Variants in TSC22D3 observed in about 807,000 individuals in gnomAD.
The protein encoded by TSC22D3 is TSC22 domain family member 3, also known as TSC22 domain family protein 3.
Under a neutral mutation model 11.1 loss-of-function variants are expected in TSC22D3, and 4 were observed. The observed-to-expected ratio is 0.36, with a 90% CI of 0.18 to 0.83. TSC22D3 has a LOEUF of 0.83. Among genes scored for constraint, TSC22D3 ranks in the 40% least tolerant of loss-of-function variants. The pLI, the probability that TSC22D3 is intolerant of heterozygous loss-of-function variation, is 0.48. For missense variants in TSC22D3, 118 were observed against 159.4 expected (o/e 0.74, Z 1.40); for synonymous variants, 77 against 70.3 (o/e 1.10, Z -0.48).
At chrX:107,743,313 G>T (rs1469180083) in intron 1 of TSC22D3, among the ~76,000 whole-genome samples, 1 of 112,082 alleles carries the variant, frequency 8.9e-6, no homozygotes, top group Non-Finnish European at 1.9e-5. Context: ...AAGGGAGGGC[G>T]CTAGACTCAC....
intron 1 of TSC22D3, among the ~76,000 whole-genome samples, chrX:107,771,563 C>T (rs752018945): frequency 4.5e-5 from 5 of 111,491 alleles, no homozygotes; most frequent in Non-Finnish European, 7.5e-5. Context: ...CCAGCCTGGG[C>T]GACAGAACAA....
chrX:107,734,026 C>A (rs1226884892), intron 1 of TSC22D3, among the ~76,000 whole-genome samples: 1 of 112,255 alleles, frequency 8.9e-6, no homozygotes, highest in Non-Finnish European at 1.9e-5. Context: ...CCTCCCTGGC[C>A]TAGTGCCACT....
intron 1 of TSC22D3, among the ~76,000 whole-genome samples, chrX:107,771,219 A>C (rs1929892749): frequency 8.9e-6 from 1 of 112,567 alleles, no homozygotes; most frequent in African/African-American, 3.2e-5. Context: ...CTTCATTGTG[A>C]GGCATTGGGC....
At chrX:107,772,044 A>C (rs1003639525) in intron 1 of TSC22D3, among the ~76,000 whole-genome samples, 5 of 112,770 alleles carry the variant, frequency 4.4e-5, no homozygotes, top group African/African-American at 1.3e-4. Flanking sequence ...CTAAAAGCCA[A>C]GGGAAAACCA....
At chrX:107,718,311 C>G (rs916090323) in intron 1 of TSC22D3, among the ~76,000 whole-genome samples, 1 of 112,070 alleles carries the variant, frequency 8.9e-6, no homozygotes, top group Non-Finnish European at 1.9e-5. Context: ...GTGATGCAAC[C>G]GGGAATATTA....
chrX:107,742,281 A>AGAGAGAGAGAG (rs1928441990), intron 1 of TSC22D3, among the ~76,000 whole-genome samples: 5 of 56,811 alleles, frequency 8.8e-5, no homozygotes, highest in African/African-American at 4.0e-4. Flanking sequence ...GAGAGAGAGA[A>AGAGAGAGAGAG]AGAGAGAGAG....
chrX:107,753,088 G>T (rs1929007968), intron 1 of TSC22D3, among the ~76,000 whole-genome samples: 2 of 111,136 alleles, frequency 1.8e-5, no homozygotes, highest in South Asian at 7.6e-4. Context: ...TTGTCCCCTG[G>T]GCCTCTAAAT....
At position 107,722,114 on chromosome X, in the gene TSC22D3, C is replaced by T. The variant is rs571659791; in HGVS notation, c.321-6164G>A. ...TGTTCTCTGTGGATCATGTGAACTG[C>T]CCTGCATGGCCAGGGCCCAGAGCTC... On this transcript the variant is annotated intron_variant, in intron 1 of 2. Coordinates refer to ENST00000372383, the MANE Select transcript of TSC22D3 (RefSeq NM_198057.3). The T allele has an allele frequency of 2.6e-4, 77 of 293,063 alleles. No homozygotes were observed. In the East Asian group the frequency reaches 3.7e-3, roughly 14 times the overall value. 24.2% of individuals were successfully genotyped at this position (293,063 alleles called of 1,213,427 possible). A position where few individuals can be genotyped will look rare whatever the true frequency, so the allele number is the denominator to read the frequency against.
At chrX:107,717,019 C>T in intron 1 of TSC22D3, 1 of 1,013,974 alleles carries the variant, frequency 9.9e-7, no homozygotes, top group Non-Finnish European at 1.2e-6. Flanking sequence ...GGGGTGTCAC[C>T]TCGTATGTCA....
chrX:107,766,579 T>G (rs1244518601), intron 1 of TSC22D3, among the ~76,000 whole-genome samples: 11 of 108,546 alleles, frequency 1.0e-4, no homozygotes, highest in Non-Finnish European at 1.9e-4. Context: ...GCAGTTTCTT[T>G]AGCAGTGCAT....
At chrX:107,760,601 G>A (rs1929393713) in intron 1 of TSC22D3, among the ~76,000 whole-genome samples, 1 of 112,236 alleles carries the variant, frequency 8.9e-6, no homozygotes, top group East Asian at 2.8e-4. Flanking sequence ...TAAGATGCAC[G>A]TGGAGGTACA....
At chrX:107,716,734 A>T (rs762566762) in intron 1 of TSC22D3, 40 of 1,205,913 alleles carry the variant, frequency 3.3e-5, no homozygotes, top group Non-Finnish European at 4.0e-5. Context: ...CAAGCAGAGA[A>T]GAGAAGAAGG....
At chrX:107,745,312 C>T (rs1178519420) in intron 1 of TSC22D3, among the ~76,000 whole-genome samples, 1 of 112,220 alleles carries the variant, frequency 8.9e-6, no homozygotes, top group African/African-American at 3.2e-5. Flanking sequence ...GGTTCCTTTC[C>T]AGAAGTGGCA....
At chrX:107,733,354 C>T (rs1927976115) in intron 1 of TSC22D3, among the ~76,000 whole-genome samples, 1 of 112,014 alleles carries the variant, frequency 8.9e-6, no homozygotes, top group South Asian at 3.7e-4. Flanking sequence ...TATCCCTATT[C>T]CCACCTCCAC....
intron 1 of TSC22D3, among the ~76,000 whole-genome samples, chrX:107,758,985 A>T (rs191758036): frequency 1.3e-3 from 148 of 110,515 alleles, no homozygotes; most frequent in Non-Finnish European, 2.4e-3. Context: ...GGTTCAAGTG[A>T]TTCTCTTGCC....
At chrX:107,755,131 T>G (rs200507944) in intron 1 of TSC22D3, among the ~76,000 whole-genome samples, 1 of 112,411 alleles carries the variant, frequency 8.9e-6, no homozygotes, top group East Asian at 2.8e-4. Context: ...AACTTTTTTC[T>G]TTAAAAAAAT....
intron 1 of TSC22D3, among the ~76,000 whole-genome samples, chrX:107,771,617 TAAATC>T (rs1929909710): frequency 8.9e-6 from 1 of 112,330 alleles, no homozygotes; most frequent in Non-Finnish European, 1.9e-5. Context: ...AATAAATAAA[TAAATC>T]CATTCCAAAG....
intron 1 of TSC22D3, among the ~76,000 whole-genome samples, chrX:107,736,153 T>C (rs932686810): frequency 3.6e-5 from 4 of 112,374 alleles, no homozygotes; most frequent in Non-Finnish European, 5.6e-5. Flanking sequence ...GACACACCTC[T>C]GAGCACTGAT....
chrX:107,750,565 A>C (rs1377870204), intron 1 of TSC22D3, among the ~76,000 whole-genome samples: 2 of 111,492 alleles, frequency 1.8e-5, no homozygotes, highest in Non-Finnish European at 3.8e-5. Flanking sequence ...TAGAGCCCAG[A>C]AACAGGAGAC....
Sources: allele counts gnomAD v4.1 joint callset (sites outside exome capture counted in the v4.1 genomes callset), GRCh38; gene constraint gnomAD v4.1.1; transcripts MANE v1.5; gene names NCBI Gene and HGNC (gene_info 2026-07-23, HGNC 2026-07-21).